DENND4A: variants seen among roughly 807,000 people sequenced by gnomAD.
DENND4A encodes DENN domain containing 4A, also known as C-myc promoter-binding protein.
DENND4A carries 70 observed loss-of-function variants against 199.3 expected under a neutral mutation model. The ratio of observed to expected loss-of-function variants is 0.35; its 90% confidence interval spans 0.29 to 0.43. The LOEUF (loss-of-function observed/expected upper bound fraction) is 0.43, where lower values mean the gene tolerates loss of function less well. DENND4A is among the 20% of genes least tolerant of loss of function. The pLI, the probability that DENND4A is intolerant of heterozygous loss-of-function variation, is 1.00. For missense variants in DENND4A, 1,723 were observed against 2,255.8 expected (o/e 0.76, Z 4.78); for synonymous variants, 686 against 766.9 (o/e 0.89, Z 1.74).
At chr15:65,728,077 C>T (rs1243110570) in intron 11 of DENND4A, among the ~76,000 whole-genome samples, 2 of 151,830 alleles carry the variant, frequency 1.3e-5, no homozygotes, top group Non-Finnish European at 2.9e-5. Context: ...GGTGCAATCT[C>T]GGCTCACTGC....
chr15:65,779,673 A>G (rs1004072010), intron 1 of DENND4A, among the ~76,000 whole-genome samples: 1 of 150,238 alleles, frequency 6.7e-6, no homozygotes, highest in Non-Finnish European at 1.5e-5. Context: ...TTTTCGAGAA[A>G]GAGTCTCACT....
Position 65,752,573 on chromosome 15 carries a change from T to C in DENND4A, c.367A>G (p.Thr123Ala). The change falls in exon 4 of 33, where the codon ACT (threonine) becomes GCT (alanine). Residue 123 changes from threonine (T) to alanine (A), a missense_variant. Around this residue, in one of 6 missense-constraint regions of DENND4A, gnomAD observed 725 missense variants for 952.9 expected, o/e 0.76. Transcript: ENST00000443035. ...LKQGCEIIQS[T>A]PYGRPANISG... ...ATATTTGCGGGGCGCCCATAGGGAG[T>C]ACTCTGAATAATTTCACAACCCTGT... The C allele has an allele frequency of 6.2e-7, 1 of 1,603,408 alleles. No individual in the cohort carries two copies. Among genetic ancestry groups the C allele is most frequent in the Non-Finnish European group, 8.5e-7 (1 of 1,173,616 alleles).
chr15:65,676,530 G>A lies in DENND4A; in HGVS notation c.4284C>T (p.Ile1428=). Residue 1428 remains isoleucine, a synonymous_variant, in exon 24 of 33, where the codon ATC becomes ATT. Transcript: ENST00000443035. ...EDVCHELEGP[I]SSQETSATSG... is the part of the protein sequence containing the mutation. ...AAGTAGCACTGGTCTCTTGAGAGGAGATAGGTCCTTCCAACTCATGGCAGA... is the reference window on the plus strand; with the variant it reads ...AAGTAGCACTGGTCTCTTGAGAGGAAATAGGTCCTTCCAACTCATGGCAGA... 4.3e-6 allele frequency: 7 copies of A among 1,613,770 alleles called. No individual in the cohort carries two copies. Among genetic ancestry groups the A allele is most frequent in the Non-Finnish European group, 5.9e-6 (7 of 1,179,764 alleles).
chr15:65,773,793 C>A (rs944884668), intron 1 of DENND4A, among the ~76,000 whole-genome samples: 2 of 152,188 alleles, frequency 1.3e-5, no homozygotes, highest in African/African-American at 4.8e-5. Context: ...GCCAAAACTA[C>A]TTTCCTTCTC....
chr15:65,752,500 G>C lies in DENND4A; in HGVS notation c.440C>G (p.Ala147Gly). Residue 147 changes from alanine (A) to glycine (G), a missense_variant, in exon 4 of 33, where the codon GCC (alanine) becomes GGC (glycine). Ala to Gly is a moderately conservative substitution (Grantham distance 60, BLOSUM62 0). Coordinates refer to ENST00000443035, the MANE Select transcript of DENND4A (RefSeq NM_001320835.1). ...SQRIYITYRR[A>G]SENMTQNTLA... ...CGTATTCTGAGTCATGTTTTCAGAG[G>C]CTCTTCGGTAAGTGATATAAATTCT... 1.2e-6 allele frequency: 2 copies of C among 1,613,602 alleles called. No homozygotes were observed. Among genetic ancestry groups the C allele is most frequent in the African/African-American group, 1.3e-5 (1 of 74,938 alleles).
intron 20 of DENND4A, among the ~76,000 whole-genome samples, chr15:65,698,759 C>G (rs1320399153): frequency 2.1e-5 from 2 of 94,678 alleles, no homozygotes; most frequent in African/African-American, 8.2e-5. Context: ...TTTTTTGAGA[C>G]AGAGTCTCAA....
chr15:65,789,500 G>A (rs2077657800), intron 1 of DENND4A, among the ~76,000 whole-genome samples: 1 of 146,282 alleles, frequency 6.8e-6, no homozygotes, highest in Non-Finnish European at 1.5e-5. Flanking sequence ...TCAATATAGG[G>A]TATTAGATTA....
At chr15:65,699,931 G>A (rs2142169583) in intron 20 of DENND4A, among the ~76,000 whole-genome samples, 1 of 151,756 alleles carries the variant, frequency 6.6e-6, no homozygotes, top group East Asian at 1.9e-4. Context: ...ACCCACCTTA[G>A]CTTCCCAAGG....
intron 1 of DENND4A, chr15:65,766,397 T>G: frequency 6.6e-6 from 1 of 152,214 alleles, no homozygotes; most frequent in East Asian, 1.9e-4. Context: ...ATAAATACAG[T>G]TGACTCTTGA....
intron 1 of DENND4A, among the ~76,000 whole-genome samples, chr15:65,791,321 C>T (rs899856351): frequency 5.3e-5 from 8 of 152,202 alleles, no homozygotes; most frequent in African/African-American, 1.9e-4. Context: ...CATTTAAAAG[C>T]ACGATAATGA....
intron 15 of DENND4A, among the ~76,000 whole-genome samples, chr15:65,703,211 A>G (rs2074935376): frequency 6.6e-6 from 1 of 152,236 alleles, no homozygotes; most frequent in South Asian, 2.1e-4. Flanking sequence ...TGTAATAGCC[A>G]AATTCAGACT....
chr15:65,662,417 A>G (rs903033641), intron 32 of DENND4A, among the ~76,000 whole-genome samples: 4 of 152,166 alleles, frequency 2.6e-5, no homozygotes, highest in African/African-American at 9.7e-5. Flanking sequence ...CTAACTTCCT[A>G]TATTATGGGC....
intron 24 of DENND4A, among the ~76,000 whole-genome samples, chr15:65,673,767 T>C (rs1030304710): frequency 6.6e-6 from 1 of 152,144 alleles, no homozygotes; most frequent in Non-Finnish European, 1.5e-5. Context: ...ATGCAGTTCT[T>C]CCCTTGATGC....
chr15:65,669,067 C>T (rs1039490572), intron 27 of DENND4A, among the ~76,000 whole-genome samples: 7 of 152,146 alleles, frequency 4.6e-5, no homozygotes, highest in Admixed American at 1.3e-4. Context: ...CATATTCCTT[C>T]AGGAGTCACA....
intron 4 of DENND4A, among the ~76,000 whole-genome samples, chr15:65,742,847 AC>A (rs1405452751): frequency 6.6e-6 from 1 of 152,156 alleles, no homozygotes; most frequent in Non-Finnish European, 1.5e-5. Context: ...TTTCTTCACC[AC>A]TGTACTCCCA....
In DENND4A at chr15:65,744,167, CA is replaced by C. The variant is rs1008842368; in HGVS notation, c.562-2384del. Among the ~76,000 whole-genome samples, 11 of 149,808 alleles carry C rather than the reference CA, an allele frequency of 7.3e-5. No individual in the cohort carries two copies. In the East Asian group the frequency reaches 7.8e-4, roughly 11 times the overall value. On this transcript the variant is annotated intron_variant, in intron 4 of 32. Transcript: ENST00000443035. ...TCTGGGTATATTCTGAAAATACAGA[CA>C]AAAAAAAATCCTATCTGATTATATG...
intron 2 of DENND4A, among the ~76,000 whole-genome samples, chr15:65,760,814 T>C (rs1276772419): frequency 6.6e-6 from 1 of 151,872 alleles, no homozygotes; most frequent in African/African-American, 2.4e-5. Flanking sequence ...ACCTGAACGC[T>C]GTAGGCAGAG....
At chr15:65,686,848 T>C (rs1328251643) in intron 23 of DENND4A, among the ~76,000 whole-genome samples, 1 of 151,606 alleles carries the variant, frequency 6.6e-6, no homozygotes, top group Non-Finnish European at 1.5e-5. Context: ...TGTGCCACCA[T>C]GGCCAGCTAG....
At chr15:65,666,349 G>T (rs2076037182) in intron 29 of DENND4A, among the ~76,000 whole-genome samples, 1 of 152,106 alleles carries the variant, frequency 6.6e-6, no homozygotes, top group African/African-American at 2.4e-5. Flanking sequence ...ATCACAGTGG[G>T]TCTGATAACA....
Sources: allele counts gnomAD v4.1 joint callset (sites outside exome capture counted in the v4.1 genomes callset), GRCh38; gene constraint gnomAD v4.1.1; regional missense constraint gnomAD v4.1.1; transcripts MANE v1.5; gene names NCBI Gene and HGNC (gene_info 2026-07-23, HGNC 2026-07-21).